Variants in TTC29 observed in about 807,000 individuals in gnomAD.
The protein encoded by TTC29 is tetratricopeptide repeat domain 29, also known as tetratricopeptide repeat protein 29.
Under a neutral mutation model 58.1 loss-of-function variants are expected in TTC29, and 49 were observed. The ratio of observed to expected loss-of-function variants is 0.84; its 90% CI spans 0.67 to 1.07. The LOEUF (loss-of-function observed/expected upper bound fraction) is 1.07, where lower values mean the gene tolerates loss of function less well. Among genes scored for constraint, TTC29 ranks in the 50% least tolerant of loss-of-function variants. The pLI, the probability that TTC29 is intolerant of heterozygous loss-of-function variation, is 0.00. For missense variants in TTC29, 582 were observed against 555.6 expected, an observed-to-expected ratio of 1.05 and a Z score of -0.48; for synonymous variants, 209 against 196.8, an observed-to-expected ratio of 1.06 and a Z score of -0.52.
At chr4:146,892,438 G>A (rs1266537508) in intron 6 of TTC29, among the ~76,000 whole-genome samples, 2 of 152,112 alleles carry the variant, frequency 1.3e-5, no homozygotes, top group African/African-American at 4.8e-5. Context: ...AAAACCATAC[G>A]ATTCTCTCAA....
intron 11 of TTC29, among the ~76,000 whole-genome samples, chr4:146,773,687 C>A (rs774262380): frequency 9.2e-5 from 14 of 151,664 alleles, no homozygotes; most frequent in Non-Finnish European, 2.9e-5. Flanking sequence ...AGGATATTGG[C>A]CTGAAGTTTT....
intron 7 of TTC29, among the ~76,000 whole-genome samples, chr4:146,868,009 T>C (rs1032106663): frequency 6.6e-5 from 10 of 152,182 alleles, no homozygotes; most frequent in African/African-American, 2.4e-4. Context: ...TGATAATGGA[T>C]AACAACCTTA....
intron 1 of TTC29, chr4:146,945,326 C>G (rs915053802): frequency 3.3e-5 from 5 of 152,152 alleles, no homozygotes; most frequent in African/African-American, 1.2e-4. Context: ...TATTTCAATA[C>G]AAATGTGACA....
intron 11 of TTC29, among the ~76,000 whole-genome samples, chr4:146,713,568 T>C (rs1038030330): frequency 6.6e-6 from 1 of 152,140 alleles, no homozygotes; most frequent in Non-Finnish European, 1.5e-5. Context: ...TGGAAACTTT[T>C]AAGGCAGGAG....
At chr4:146,741,606 C>T in intron 11 of TTC29, among the ~76,000 whole-genome samples, 1 of 151,822 alleles carries the variant, frequency 6.6e-6, no homozygotes, top group East Asian at 1.9e-4. Context: ...GGTCTCTTTG[C>T]TTCTGGTCTC....
At chr4:146,836,323 T>C (rs1728506208) in intron 8 of TTC29, among the ~76,000 whole-genome samples, 2 of 152,060 alleles carry the variant, frequency 1.3e-5, no homozygotes, top group Admixed American at 1.3e-4. Flanking sequence ...ACAGGAAATA[T>C]ATAGGCAGTA....
At chr4:146,839,104 C>G (rs1322632687) in intron 8 of TTC29, among the ~76,000 whole-genome samples, 1 of 151,930 alleles carries the variant, frequency 6.6e-6, no homozygotes, top group African/African-American at 2.4e-5. Flanking sequence ...ATCCCATATA[C>G]CCTACACTCC....
intron 8 of TTC29, among the ~76,000 whole-genome samples, chr4:146,854,245 G>A (rs1157354321): frequency 2.0e-5 from 3 of 152,044 alleles, no homozygotes; most frequent in African/African-American, 7.2e-5. Context: ...GGGAAAACCC[G>A]AACCAAGTCG....
intron 6 of TTC29, among the ~76,000 whole-genome samples, chr4:146,886,077 A>T (rs1487576679): frequency 2.6e-5 from 4 of 152,114 alleles, no homozygotes; most frequent in Admixed American, 2.0e-4. Context: ...TAATGCATAT[A>T]AAGTTAATTT....
At chr4:146,896,019 T>C (rs1372649813) in intron 6 of TTC29, among the ~76,000 whole-genome samples, 1 of 152,190 alleles carries the variant, frequency 6.6e-6, no homozygotes, top group East Asian at 1.9e-4. Context: ...AAAATCATAC[T>C]TAAATTTTAT....
At chr4:146,820,028 G>C (rs1751707282) in intron 10 of TTC29, 97 bp downstream of exon 10, 2 of 1,492,440 alleles carry the variant, frequency 1.3e-6, no homozygotes, top group East Asian at 4.5e-5. Context: ...AATATATTGT[G>C]GGAAGACAAG....
intron 4 of TTC29, among the ~76,000 whole-genome samples, chr4:146,931,259 G>A (rs987962133): frequency 2.0e-5 from 3 of 152,040 alleles, no homozygotes; most frequent in African/African-American, 7.2e-5. Context: ...AGAACATGAT[G>A]AAAATGATAC....
At chr4:146,753,349 G>A (rs1470097329) in intron 11 of TTC29, among the ~76,000 whole-genome samples, 3 of 152,168 alleles carry the variant, frequency 2.0e-5, no homozygotes, top group Non-Finnish European at 4.4e-5. Flanking sequence ...AAACCACAAT[G>A]AGATACCATC....
intron 11 of TTC29, among the ~76,000 whole-genome samples, chr4:146,729,476 C>G (rs1318285254): frequency 6.6e-6 from 1 of 151,994 alleles, no homozygotes; most frequent in Non-Finnish European, 1.5e-5. Context: ...TTTTGTCATG[C>G]AGAGTTTTTT....
chr4:146,787,335 A>G (rs1466734060), intron 11 of TTC29, among the ~76,000 whole-genome samples: 1 of 152,202 alleles, frequency 6.6e-6, no homozygotes, highest in African/African-American at 2.4e-5. Context: ...GTAATGCAAC[A>G]TAATTTGATA....
intron 6 of TTC29, among the ~76,000 whole-genome samples, chr4:146,881,861 T>C (rs1731648679): frequency 6.6e-6 from 1 of 152,092 alleles, no homozygotes; most frequent in Admixed American, 6.6e-5. Context: ...GCATCCCTAA[T>C]ACACTGAGAA....
At position 146,867,508 on chromosome 4, in the gene TTC29, G is replaced by C; in HGVS notation, c.875C>G (p.Thr292Arg). ...LAHLAAEEYE[T>R]ALTVLDTYCK... ...AAAAGTTTAGCTTACTGTTAATGCT[G>C]TTTCATATTCCTCAGCAGCTAAGTG... Residue 292 changes from threonine (T) to arginine (R), a missense_variant, in exon 8 of 13, where the codon ACA becomes AGA. By Grantham distance (71) the Thr-to-Arg change is moderately conservative. Transcript: ENST00000325106. The C allele has an allele frequency of 6.6e-7, 1 of 1,515,592 alleles. No individual in the cohort carries two copies. The allele number at this position is 1,515,592 out of a possible 1,614,324, so 93.9% of individuals were successfully genotyped here.
intron 10 of TTC29, among the ~76,000 whole-genome samples, chr4:146,818,868 G>C (rs1392320054): frequency 6.6e-6 from 1 of 151,648 alleles, no homozygotes; most frequent in East Asian, 1.9e-4. Context: ...CTCACTCATA[G>C]ATGGGAATTG....
intron 11 of TTC29, among the ~76,000 whole-genome samples, chr4:146,764,583 G>A (rs1301822948): frequency 3.3e-5 from 5 of 151,830 alleles, no homozygotes; most frequent in South Asian, 2.1e-4. Flanking sequence ...GTTTAGGAGC[G>A]TACCCATACA....
Sources: gnomAD v4.1 joint callset for allele counts (sites outside exome capture counted in the v4.1 genomes callset) on GRCh38, gnomAD v4.1.1 for gene constraint, MANE v1.5 for transcripts, NCBI Gene and HGNC (gene_info 2026-07-23, HGNC 2026-07-21) for gene names.